Variants in SCAF4 observed in about 807,000 individuals in gnomAD.
SCAF4 encodes the protein SR-related and CTD-associated factor 4.
SCAF4 carries 25 observed loss-of-function variants against 129.8 expected under a neutral mutation model. The observed-to-expected ratio is 0.19, with a 90% CI of 0.14 to 0.27. The LOEUF (loss-of-function observed/expected upper bound fraction) is 0.27, where lower values mean the gene tolerates loss of function less well. Ranked by LOEUF, SCAF4 falls within the 10% of genes least tolerant of loss-of-function variation. SCAF4 has a pLI of 1.00. For synonymous variants in SCAF4, 551 were observed against 497.7 expected (o/e 1.11, Z -1.43); for missense variants, 1,246 against 1,457.1 (o/e 0.86, Z 2.36).
At chr21:31,726,733 T>C (rs147602379) in intron 1 of SCAF4, among the ~76,000 whole-genome samples, 2 of 152,294 alleles carry the variant, frequency 1.3e-5, no homozygotes, top group East Asian at 3.9e-4. Flanking sequence ...TTCCTACACA[T>C]GCGCACCAGG....
chr21:31,717,205 A>G (rs1442338461), intron 1 of SCAF4, among the ~76,000 whole-genome samples: 3 of 152,228 alleles, frequency 2.0e-5, no homozygotes, highest in Non-Finnish European at 2.9e-5. Context: ...AAAAATGTCC[A>G]TACCTTTTGA....
intron 9 of SCAF4, among the ~76,000 whole-genome samples, chr21:31,695,806 A>G (rs538452175): frequency 1.1e-4 from 16 of 152,358 alleles, no homozygotes; most frequent in African/African-American, 3.4e-4. Flanking sequence ...CACAAAATAC[A>G]GAAGGAAGGC....
chr21:31,697,181 C>A (rs185632785), intron 7 of SCAF4, among the ~76,000 whole-genome samples: 1 of 152,090 alleles, frequency 6.6e-6, no homozygotes, highest in Non-Finnish European at 1.5e-5. Context: ...AGAAAAGTGT[C>A]CATATACTGC....
chr21:31,677,285 T>C (rs552779392), intron 19 of SCAF4, among the ~76,000 whole-genome samples: 110 of 152,208 alleles, frequency 7.2e-4, no homozygotes, highest in Non-Finnish European at 5.7e-4. Flanking sequence ...ATAGCCCTTC[T>C]TGCTTGCACC....
At chr21:31,689,047 T>A (rs952820016) in intron 15 of SCAF4, among the ~76,000 whole-genome samples, 4 of 152,150 alleles carry the variant, frequency 2.6e-5, no homozygotes, top group Non-Finnish European at 4.4e-5. Context: ...TTCTTGAGCT[T>A]TTCAATACAT....
rs760004360 is a variant in SCAF4, at chr21:31,694,292, T to TA, written c.1237-4dup. The stretch of plus-strand genomic sequence containing the variant: ...CAAGGTTGTTCTACTTCCATTTCCT[T>TA]AAAAAACAAAAACCATGATAAAATG... On this transcript the variant is annotated splice_polypyrimidine_tract_variant and splice_region_variant and intron_variant, in intron 10 of 19. Coordinates refer to ENST00000286835, the MANE Select transcript of SCAF4 (RefSeq NM_020706.2). The TA allele has an allele frequency of 2.2e-5, 35 of 1,567,688 alleles. No homozygotes were observed. The South Asian group carries it at 3.8e-4, about 17-fold the overall frequency.
intron 19 of SCAF4, among the ~76,000 whole-genome samples, chr21:31,675,583 C>T (rs1375630988): frequency 6.6e-6 from 1 of 152,108 alleles, no homozygotes; most frequent in Non-Finnish European, 1.5e-5. Context: ...GGTGTTAACT[C>T]CCCCGGAATA....
chr21:31,686,023 C>A (rs926851375), intron 16 of SCAF4, among the ~76,000 whole-genome samples: 2 of 151,358 alleles, frequency 1.3e-5, no homozygotes, highest in African/African-American at 4.9e-5. Flanking sequence ...GTCAACATGG[C>A]GAAACCCTGT....
chr21:31,700,738 T>G (rs1011061689), intron 7 of SCAF4: 3 of 471,780 alleles, frequency 6.4e-6, no homozygotes, highest in Admixed American at 3.8e-5. Context: ...TCCCTAACTT[T>G]TTCTTTTTTT....
intron 9 of SCAF4, among the ~76,000 whole-genome samples, chr21:31,695,894 T>C (rs1271019861): frequency 2.0e-5 from 3 of 152,170 alleles, no homozygotes; most frequent in Non-Finnish European, 4.4e-5. Flanking sequence ...TTATTTTAAC[T>C]AAAAAAATGC....
intron 1 of SCAF4, among the ~76,000 whole-genome samples, chr21:31,718,920 AATT>A (rs2123667676): frequency 6.6e-6 from 1 of 152,346 alleles, no homozygotes; most frequent in African/African-American, 2.4e-5. Flanking sequence ...GGAATTGCTA[AATT>A]ACATTTAATA....
chr21:31,688,269 AG>A (rs777836011), intron 16 of SCAF4, 37 bp downstream of exon 16: 2 of 1,592,948 alleles, frequency 1.3e-6, no homozygotes, highest in Admixed American at 3.5e-5. Context: ...GGGACCTTTC[AG>A]GCACTTAAAG....
At chr21:31,717,904 T>TACACATATACAC (rs2050972606) in intron 1 of SCAF4, among the ~76,000 whole-genome samples, 4 of 117,946 alleles carry the variant, frequency 3.4e-5, no homozygotes, top group African/African-American at 1.4e-4. Context: ...TACACATATA[T>TACACATATACAC]ACACACACAC....
intron 19 of SCAF4, among the ~76,000 whole-genome samples, chr21:31,675,832 C>A (rs1203292754): frequency 6.6e-6 from 1 of 152,080 alleles, no homozygotes; most frequent in Non-Finnish European, 1.5e-5. Context: ...CCATCTACAG[C>A]AAAGATGCCT....
chr21:31,711,289 T>C (rs924455414), intron 1 of SCAF4, among the ~76,000 whole-genome samples: 3 of 152,236 alleles, frequency 2.0e-5, no homozygotes, highest in Non-Finnish European at 4.4e-5. Context: ...AATATTTTAT[T>C]GACTTATTTA....
chr21:31,705,379 AATC>A (rs752570842), intron 3 of SCAF4, 41 bp downstream of exon 3: 1 of 916,266 alleles, frequency 1.1e-6, no homozygotes, highest in African/African-American at 1.7e-5. Flanking sequence ...GTAAATTACA[AATC>A]ATATTGTAAC....
chr21:31,706,704 T>C (rs879919291), intron 1 of SCAF4: 5 of 249,426 alleles, frequency 2.0e-5, no homozygotes, highest in Admixed American at 1.6e-4. Context: ...GTATAAATCC[T>C]TAGACAAAGA....
chr21:31,689,631 CT>C (rs2050211112), intron 15 of SCAF4, among the ~76,000 whole-genome samples: 1 of 150,200 alleles, frequency 6.7e-6, no homozygotes, highest in South Asian at 2.1e-4. Context: ...TTTAAATGTT[CT>C]TTCTGAGGGC....
At chr21:31,705,155 G>A (rs2050626463) in intron 3 of SCAF4, among the ~76,000 whole-genome samples, 1 of 152,130 alleles carries the variant, frequency 6.6e-6, no homozygotes, top group African/African-American at 2.4e-5. Flanking sequence ...CAGGGCAAGG[G>A]GGTAGAGTAA....
Sources: gnomAD v4.1 joint callset for allele counts (sites outside exome capture counted in the v4.1 genomes callset) on GRCh38, gnomAD v4.1.1 for gene constraint, MANE v1.5 for transcripts, NCBI Gene and HGNC (gene_info 2026-07-23, HGNC 2026-07-21) for gene names.